Variants in NCAM2 observed in about 807,000 individuals in gnomAD.
The protein encoded by NCAM2 is neural cell adhesion molecule 2.
NCAM2 carries 30 observed loss-of-function variants against 98.1 expected under a neutral mutation model. The ratio of observed to expected loss-of-function variants is 0.31; its 90% CI spans 0.23 to 0.41. The LOEUF (loss-of-function observed/expected upper bound fraction) is 0.41. Among genes scored for constraint, NCAM2 ranks in the 10% least tolerant of loss-of-function variants. The probability of loss-of-function intolerance (pLI) is 1.00; values close to 1 mark genes in which losing one functional copy is unlikely to be tolerated. For synonymous variants in NCAM2, 368 were observed against 342.4 expected (o/e 1.07, Z -0.83); for missense variants, 867 against 1,005.8 (o/e 0.86, Z 1.87).
intron 9 of NCAM2, among the ~76,000 whole-genome samples, chr21:21,391,406 T>C (rs946641917): frequency 1.3e-5 from 2 of 152,116 alleles, no homozygotes; most frequent in Non-Finnish European, 2.9e-5. Flanking sequence ...ATAGATAGTA[T>C]ACAAATGAGC....
chr21:21,209,661 A>G (rs1258856973), intron 1 of NCAM2, among the ~76,000 whole-genome samples: 1 of 151,586 alleles, frequency 6.6e-6, no homozygotes, highest in Non-Finnish European at 1.5e-5. Context: ...ATAAAATGCT[A>G]TTCTTTTATA....
At chr21:21,456,193 T>C (rs984815954) in intron 12 of NCAM2, among the ~76,000 whole-genome samples, 7 of 152,172 alleles carry the variant, frequency 4.6e-5, no homozygotes, top group African/African-American at 1.7e-4. Flanking sequence ...TTGAATGGGA[T>C]ATATGAAATA....
intron 1 of NCAM2, among the ~76,000 whole-genome samples, chr21:21,110,963 A>G (rs571002996): frequency 2.0e-5 from 3 of 152,246 alleles, no homozygotes; most frequent in South Asian, 2.1e-4. Context: ...AAGGGGATAC[A>G]TTAAAGTTCT....
In NCAM2 at chr21:21,202,408, C is replaced by CTTTTTTT. The variant is rs11385750; in HGVS notation, c.56-78153_56-78147dup. Reference sequence around the variant, plus strand: ...ATGCCTTGAATATAAAGCAAATATCCTTTTTTTTTTTTTTTTTTTTTTTCT... The same window carrying CTTTTTTT: ...ATGCCTTGAATATAAAGCAAATATCCTTTTTTTTTTTTTTTTTTTTTTTTTTTTTTCT... On this transcript the variant is annotated intron_variant, in intron 1 of 17. Coordinates refer to ENST00000400546, the MANE Select transcript of NCAM2 (RefSeq NM_004540.5). 2.3e-3 allele frequency among the ~76,000 whole-genome samples: 184 copies of CTTTTTTT among 80,212 alleles called. 14 individuals carry two copies. Among genetic ancestry groups the CTTTTTTT allele is most frequent in the African/African-American group, 8.4e-3 (165 of 19,670 alleles). The allele number at this position is 80,212 out of a possible 152,430, so 52.6% of individuals were successfully genotyped here.
At chr21:21,507,568 C>A (rs545430612) in intron 15 of NCAM2, among the ~76,000 whole-genome samples, 1 of 151,918 alleles carries the variant, frequency 6.6e-6, no homozygotes, top group East Asian at 1.9e-4. Context: ...CCAAGGCGGG[C>A]GGATCACGAG....
At chr21:21,206,924 G>A (rs755335023) in intron 1 of NCAM2, among the ~76,000 whole-genome samples, 6 of 152,140 alleles carry the variant, frequency 3.9e-5, no homozygotes, top group African/African-American at 7.2e-5. Context: ...AAAACTGTAA[G>A]CAAATAATTT....
intron 1 of NCAM2, among the ~76,000 whole-genome samples, chr21:21,268,468 C>T (rs1305281301): frequency 6.6e-6 from 1 of 152,188 alleles, no homozygotes; most frequent in Non-Finnish European, 1.5e-5. Context: ...TGCAGGATCA[C>T]TGTCTTGGGA....
chr21:21,169,731 T>C (rs1001385541), intron 1 of NCAM2, among the ~76,000 whole-genome samples: 1 of 152,110 alleles, frequency 6.6e-6, no homozygotes, highest in Non-Finnish European at 1.5e-5. Context: ...GGAGGATAAC[T>C]GGAGCCCAAA....
chr21:21,436,595 T>A (rs186453301), intron 12 of NCAM2, among the ~76,000 whole-genome samples: 13 of 152,266 alleles, frequency 8.5e-5, no homozygotes, highest in African/African-American at 3.1e-4. Flanking sequence ...GTATGCCTTG[T>A]TTATGTCATT....
chr21:21,070,384 C>A (rs1290406402), intron 1 of NCAM2, among the ~76,000 whole-genome samples: 2 of 124,552 alleles, frequency 1.6e-5, no homozygotes, highest in Non-Finnish European at 3.4e-5. Context: ...AAAAGTCTTT[C>A]TCTGTCAAAA....
chr21:21,184,090 G>A (rs1471567996), intron 1 of NCAM2, among the ~76,000 whole-genome samples: 2 of 151,926 alleles, frequency 1.3e-5, no homozygotes, highest in South Asian at 4.2e-4. Flanking sequence ...TATTACTTGG[G>A]GAATGTGTTT....
chr21:21,441,201 G>A lies in NCAM2; in HGVS notation c.1654+8920G>A, dbSNP rs1254915482. On this transcript the variant is annotated intron_variant, in intron 12 of 17. Coordinates refer to ENST00000400546, the MANE Select transcript of NCAM2 (RefSeq NM_004540.5). The stretch of plus-strand genomic sequence containing the variant: ...CATGAGAAACCCATACATGTTTCAT[G>A]TCTACAAAACTAAAAGACAGTTATT... 5.9e-5 allele frequency among the ~76,000 whole-genome samples: 9 copies of A among 152,152 alleles called. 1 individual carries two copies. Among genetic ancestry groups the A allele is most frequent in the South Asian group, 2.1e-4 (1 of 4,824 alleles).
intron 1 of NCAM2, among the ~76,000 whole-genome samples, chr21:21,057,771 C>G (rs1283323573): frequency 6.6e-6 from 1 of 152,062 alleles, no homozygotes; most frequent in Non-Finnish European, 1.5e-5. Flanking sequence ...CTAGCTAAAA[C>G]GGGATATCAT....
intron 1 of NCAM2, among the ~76,000 whole-genome samples, chr21:21,000,738 G>T (rs994290587): frequency 6.6e-6 from 1 of 152,014 alleles, no homozygotes; most frequent in Non-Finnish European, 1.5e-5. Context: ...TTTGTGAAAG[G>T]GAACATATAG....
At chr21:21,418,372 G>T in intron 10 of NCAM2, 101 bp from the exon 11 acceptor site, 1 of 810,026 alleles carries the variant, frequency 1.2e-6, no homozygotes, top group South Asian at 1.5e-5. Context: ...GAGTTGTTGG[G>T]TAAAAAATGA....
intron 1 of NCAM2, among the ~76,000 whole-genome samples, chr21:21,166,407 C>T (rs2067953857): frequency 1.3e-5 from 2 of 151,698 alleles, no homozygotes; most frequent in African/African-American, 4.8e-5. Context: ...GGGGTTTCAC[C>T]ATGTTGGTCA....
intron 1 of NCAM2, among the ~76,000 whole-genome samples, chr21:21,088,373 A>G (rs565412776): frequency 1.5e-3 from 222 of 152,332 alleles, no homozygotes; most frequent in Non-Finnish European, 2.4e-3. Context: ...AACATCTTCA[A>G]TAACTGTATT....
chr21:21,114,214 A>G (rs2066508858), intron 1 of NCAM2, among the ~76,000 whole-genome samples: 1 of 152,236 alleles, frequency 6.6e-6, no homozygotes, highest in South Asian at 2.1e-4. Flanking sequence ...GTTTTAGCAG[A>G]AAGATGTGGC....
intron 1 of NCAM2, among the ~76,000 whole-genome samples, chr21:21,160,535 A>G (rs917784888): frequency 3.3e-5 from 5 of 152,162 alleles, no homozygotes; most frequent in Admixed American, 6.5e-5. Context: ...GAAAAAGCTT[A>G]AAATTAATTT....
Sources: gnomAD v4.1 joint callset for allele counts (sites outside exome capture counted in the v4.1 genomes callset) on GRCh38, gnomAD v4.1.1 for gene constraint, MANE v1.5 for transcripts, NCBI Gene and HGNC (gene_info 2026-07-23, HGNC 2026-07-21) for gene names.